The following SORCS3 variants were observed in gnomAD, a reference collection of about 807,000 sequenced individuals.
The protein encoded by SORCS3 is VPS10 domain-containing receptor SorCS3.
SORCS3 carries 57 observed loss-of-function variants against 146.3 expected under a neutral mutation model. The observed-to-expected ratio is 0.39, with a 90% CI of 0.31 to 0.49. SORCS3 has a LOEUF of 0.49. Among genes scored for constraint, SORCS3 ranks in the 20% least tolerant of loss-of-function variants. The pLI is 0.92. For missense variants in SORCS3, 1,341 were observed against 1,575.5 expected (o/e 0.85, Z 2.52); for synonymous variants, 653 against 618.5 (o/e 1.06, Z -0.83).
At chr10:105,153,712 C>T (rs370048444) in intron 9 of SORCS3, among the ~76,000 whole-genome samples, 9 of 151,692 alleles carry the variant, frequency 5.9e-5, no homozygotes, top group East Asian at 5.8e-4. Context: ...GGTAACTCAT[C>T]GCAGGTGTGA....
intron 2 of SORCS3, among the ~76,000 whole-genome samples, chr10:104,861,362 A>G (rs1191157703): frequency 1.3e-5 from 2 of 152,136 alleles, no homozygotes; most frequent in East Asian, 3.9e-4. Context: ...TCACTTTCTC[A>G]TGTCTAAAGT....
intron 1 of SORCS3, among the ~76,000 whole-genome samples, chr10:104,734,852 C>T: frequency 6.6e-6 from 1 of 152,150 alleles, no homozygotes; most frequent in East Asian, 1.9e-4. Flanking sequence ...TTTAATCTCT[C>T]TGATCACCAG....
At chr10:104,988,619 A>G (rs1383220702) in intron 4 of SORCS3, among the ~76,000 whole-genome samples, 8 of 152,220 alleles carry the variant, frequency 5.3e-5, no homozygotes, top group Admixed American at 4.6e-4. Context: ...AGGTAATACT[A>G]TGATCTCAAA....
chr10:104,847,156 G>C (rs370151661), intron 2 of SORCS3, among the ~76,000 whole-genome samples: 1 of 152,194 alleles, frequency 6.6e-6, no homozygotes, highest in East Asian at 1.9e-4. Flanking sequence ...GTGGATGCGC[G>C]TGTGTCTCTG....
intron 1 of SORCS3, among the ~76,000 whole-genome samples, chr10:104,801,320 G>T (rs138321423): frequency 6.6e-6 from 1 of 152,230 alleles, no homozygotes; most frequent in African/African-American, 2.4e-5. Context: ...GGAAGGCAGC[G>T]TAGGGGAGTG....
intron 14 of SORCS3, among the ~76,000 whole-genome samples, chr10:105,194,881 C>T (rs1448943978): frequency 6.6e-6 from 1 of 152,138 alleles, no homozygotes. Context: ...TACTTAGGTA[C>T]CTCAAATGTA....
intron 1 of SORCS3, among the ~76,000 whole-genome samples, chr10:104,803,544 G>T (rs1406476809): frequency 1.3e-5 from 2 of 152,138 alleles, no homozygotes. Context: ...CCTTAAAGAA[G>T]GTTTTCCTGG....
intron 14 of SORCS3, among the ~76,000 whole-genome samples, chr10:105,185,371 C>T (rs1178287884): frequency 4.6e-5 from 7 of 152,160 alleles, no homozygotes; most frequent in African/African-American, 1.7e-4. Flanking sequence ...GTCCAACACC[C>T]TGTAGTCCAA....
At chr10:105,211,283 T>C (rs1258144501) in intron 17 of SORCS3, 33 bp downstream of exon 17, 14 of 1,449,654 alleles carry the variant, frequency 9.7e-6, no homozygotes, top group Non-Finnish European at 1.3e-5. Context: ...CTCAGCTCCC[T>C]GTTTTCCTGT....
intron 19 of SORCS3, among the ~76,000 whole-genome samples, chr10:105,220,763 AAC>A (rs967724571): frequency 1.3e-5 from 2 of 152,196 alleles, no homozygotes; most frequent in African/African-American, 4.8e-5. Flanking sequence ...TGATGAATAA[AAC>A]ACAAACTATA....
chr10:104,960,673 A>G (rs2054790642), intron 3 of SORCS3, among the ~76,000 whole-genome samples: 1 of 152,162 alleles, frequency 6.6e-6, no homozygotes, highest in African/African-American at 2.4e-5. Context: ...ATCACCTCTT[A>G]AAGGCTCCAC....
intron 14 of SORCS3, among the ~76,000 whole-genome samples, chr10:105,195,333 T>C (rs887590037): frequency 6.6e-6 from 1 of 152,148 alleles, no homozygotes; most frequent in Admixed American, 6.6e-5. Flanking sequence ...CGGTCTGGGC[T>C]TTCTCTTTTC....
At chr10:105,016,291 C>T (rs1278008914) in intron 4 of SORCS3, among the ~76,000 whole-genome samples, 2 of 150,728 alleles carry the variant, frequency 1.3e-5, no homozygotes, top group Non-Finnish European at 1.5e-5. Context: ...AGCTGGACTA[C>T]AGGCACACAC....
At chr10:104,755,024 A>G (rs1158238802) in intron 1 of SORCS3, among the ~76,000 whole-genome samples, 2 of 152,220 alleles carry the variant, frequency 1.3e-5, no homozygotes, top group African/African-American at 4.8e-5. Flanking sequence ...TAACCCAGCT[A>G]ATCTTAGCAG....
intron 1 of SORCS3, among the ~76,000 whole-genome samples, chr10:104,738,495 G>A (rs907591616): frequency 6.6e-6 from 1 of 152,134 alleles, no homozygotes; most frequent in South Asian, 2.1e-4. Flanking sequence ...TGAACCAGTG[G>A]TCTTCTCCCA....
At chr10:105,248,811 G>T (rs1302369227) in intron 22 of SORCS3, among the ~76,000 whole-genome samples, 1 of 151,988 alleles carries the variant, frequency 6.6e-6, no homozygotes, top group Non-Finnish European at 1.5e-5. Context: ...AGCTAAAATT[G>T]AGCTAGGATG....
At chr10:105,032,797 A>G (rs2055278208) in intron 4 of SORCS3, among the ~76,000 whole-genome samples, 1 of 152,164 alleles carries the variant, frequency 6.6e-6, no homozygotes, top group African/African-American at 2.4e-5. Context: ...GGACAAATTG[A>G]ACACAGTGAG....
intron 1 of SORCS3, among the ~76,000 whole-genome samples, chr10:104,801,677 G>A (rs892390896): frequency 3.9e-5 from 6 of 152,118 alleles, no homozygotes; most frequent in African/African-American, 1.4e-4. Flanking sequence ...TTACATCTTA[G>A]GACTTTCATC....
chr10:104,751,782 T>G (rs2016986198), intron 1 of SORCS3, among the ~76,000 whole-genome samples: 1 of 151,326 alleles, frequency 6.6e-6, no homozygotes, highest in African/African-American at 2.4e-5. Context: ...TAGTCTGATA[T>G]GAGGAGGGAA....
Sources: allele counts gnomAD v4.1 joint callset (sites outside exome capture counted in the v4.1 genomes callset), GRCh38; gene constraint gnomAD v4.1.1; transcripts MANE v1.5; gene names NCBI Gene and HGNC (gene_info 2026-07-23, HGNC 2026-07-21).